The following ZCWPW2 variants were observed in gnomAD, a reference collection of about 807,000 sequenced individuals.
ZCWPW2 encodes the protein zinc finger CW-type PWWP domain protein 2.
In ZCWPW2, 45 loss-of-function variants were observed where a neutral mutation model predicts 46.6. The observed-to-expected ratio is 0.96, with a 90% CI of 0.76 to 1.24. The LOEUF (loss-of-function observed/expected upper bound fraction) is 1.24. ZCWPW2 is among the 50% of genes most tolerant of loss of function. ZCWPW2 has a pLI of 0.00. For synonymous variants in ZCWPW2, 152 were observed against 137.1 expected, an observed-to-expected ratio of 1.11 and a Z score of -0.76; for missense variants, 429 against 403.9, an observed-to-expected ratio of 1.06 and a Z score of -0.53.
intron 3 of ZCWPW2, among the ~76,000 whole-genome samples, chr3:28,414,321 T>C (rs1414292188): frequency 1.3e-5 from 2 of 151,946 alleles, no homozygotes; most frequent in African/African-American, 2.4e-5. Flanking sequence ...GTCATGTTTC[T>C]TCTCTTTTCA....
At chr3:28,358,918 T>G (rs1704838550) in intron 1 of ZCWPW2, among the ~76,000 whole-genome samples, 2 of 152,236 alleles carry the variant, frequency 1.3e-5, no homozygotes, top group Non-Finnish European at 2.9e-5. Context: ...TTTAATTTAT[T>G]TATTGTCTGA....
At chr3:28,357,046 G>A (rs913175704) in intron 1 of ZCWPW2, among the ~76,000 whole-genome samples, 2 of 151,214 alleles carry the variant, frequency 1.3e-5, no homozygotes, top group African/African-American at 4.9e-5. Flanking sequence ...TTTATTTTTT[G>A]CCAATAGTTT....
chr3:28,421,539 C>A (rs983512609), intron 3 of ZCWPW2, among the ~76,000 whole-genome samples: 1 of 152,024 alleles, frequency 6.6e-6, no homozygotes, highest in African/African-American at 2.4e-5. Flanking sequence ...GGTCCTTTGG[C>A]TAAAAAGAGC....
chr3:28,494,786 A>G (rs1168141230), intron 6 of ZCWPW2, among the ~76,000 whole-genome samples: 8 of 140,502 alleles, frequency 5.7e-5, no homozygotes, highest in African/African-American at 2.1e-4. Flanking sequence ...CACCAACAAC[A>G]GACAAACAGA....
intron 1 of ZCWPW2, among the ~76,000 whole-genome samples, chr3:28,364,967 A>G (rs935063620): frequency 6.6e-6 from 1 of 151,606 alleles, no homozygotes; most frequent in African/African-American, 2.4e-5. Flanking sequence ...GTCTGTTCAT[A>G]TCCTTTGCCC....
chr3:28,511,851 A>G (rs1368749636), intron 6 of ZCWPW2, among the ~76,000 whole-genome samples: 1 of 152,186 alleles, frequency 6.6e-6, no homozygotes, highest in Non-Finnish European at 1.5e-5. Context: ...CCTCCAAAGT[A>G]CATTCTGTAG....
At chr3:28,412,374 T>A (rs1357380530) in intron 2 of ZCWPW2, among the ~76,000 whole-genome samples, 1 of 152,050 alleles carries the variant, frequency 6.6e-6, no homozygotes, top group African/African-American at 2.4e-5. Context: ...GAGATTTATT[T>A]AATTTTTAAA....
Position 28,375,935 on chromosome 3 carries a change from G to C in ZCWPW2, c.-133-14563G>C, listed in dbSNP as rs137985913. Among the ~76,000 whole-genome samples the C allele has an allele frequency of 2.6e-3, 387 of 150,484 alleles. 1 individual carries two copies. Among genetic ancestry groups the C allele is most frequent in the African/African-American group, 8.6e-3 (351 of 40,932 alleles). On this transcript the variant is annotated intron_variant, in intron 1 of 9. Transcript: ENST00000383768. ...GACTTATTTCTCTTAATAACATAAT[G>C]TCCAGTTCCATCCATGTTGTTGCAA...
chr3:28,497,206 C>A (rs961067341), intron 6 of ZCWPW2, among the ~76,000 whole-genome samples: 18 of 150,404 alleles, frequency 1.2e-4, no homozygotes, highest in African/African-American at 4.1e-4. Context: ...ATCCCTATGC[C>A]TGTTTTCTTA....
chr3:28,447,973 G>A, intron 4 of ZCWPW2: 1 of 560,082 alleles, frequency 1.8e-6, no homozygotes, highest in Non-Finnish European at 3.3e-6. Flanking sequence ...TTCCATGTGT[G>A]CTAAATGTTT....
intron 6 of ZCWPW2, among the ~76,000 whole-genome samples, chr3:28,503,353 T>C (rs1453542126): frequency 6.6e-6 from 1 of 152,140 alleles, no homozygotes; most frequent in Non-Finnish European, 1.5e-5. Context: ...GCTGATTATA[T>C]TTATTGAAAA....
At chr3:28,514,144 A>G in intron 7 of ZCWPW2, 22 bp downstream of exon 7, 1 of 1,408,144 alleles carries the variant, frequency 7.1e-7, no homozygotes, top group Non-Finnish European at 9.7e-7. Flanking sequence ...GAAATTAAAT[A>G]GTATTATGAT....
chr3:28,362,247 G>A (rs1704968145), intron 1 of ZCWPW2, among the ~76,000 whole-genome samples: 1 of 152,060 alleles, frequency 6.6e-6, no homozygotes, highest in Non-Finnish European at 1.5e-5. Context: ...GTACAACAGT[G>A]TGAATATAGT....
chr3:28,495,153 G>A (rs1699944773), intron 6 of ZCWPW2, among the ~76,000 whole-genome samples: 1 of 151,832 alleles, frequency 6.6e-6, no homozygotes, highest in Non-Finnish European at 1.5e-5. Context: ...AAAGCTGGAG[G>A]CATCACACTA....
intron 4 of ZCWPW2, among the ~76,000 whole-genome samples, chr3:28,462,257 C>A (rs1698667908): frequency 6.6e-6 from 1 of 151,996 alleles, no homozygotes; most frequent in Non-Finnish European, 1.5e-5. Flanking sequence ...GTGGCAGTAC[C>A]CTGAAGAAGA....
intron 4 of ZCWPW2, among the ~76,000 whole-genome samples, chr3:28,471,967 C>T (rs556555196): frequency 5.3e-5 from 8 of 152,068 alleles, no homozygotes; most frequent in African/African-American, 1.9e-4. Flanking sequence ...AACAGTAATA[C>T]CATTTATATT....
intron 4 of ZCWPW2, among the ~76,000 whole-genome samples, chr3:28,442,123 G>C (rs1053075034): frequency 9.2e-5 from 14 of 152,188 alleles, no homozygotes; most frequent in African/African-American, 3.4e-4. Context: ...TCAAAACTGA[G>C]AGCCTTTTGG....
intron 5 of ZCWPW2, among the ~76,000 whole-genome samples, chr3:28,483,960 A>G (rs1405736046): frequency 2.0e-5 from 3 of 152,082 alleles, no homozygotes; most frequent in Admixed American, 2.0e-4. Context: ...AAATGTGTAT[A>G]TCTTTTATTT....
At chr3:28,497,598 C>A (rs1700026997) in intron 6 of ZCWPW2, among the ~76,000 whole-genome samples, 1 of 152,080 alleles carries the variant, frequency 6.6e-6, no homozygotes. Context: ...TGTTTCCCTG[C>A]TTCCCTTGAA....
Sources: allele counts gnomAD v4.1 joint callset (sites outside exome capture counted in the v4.1 genomes callset), GRCh38; gene constraint gnomAD v4.1.1; transcripts MANE v1.5; gene names NCBI Gene and HGNC (gene_info 2026-07-23, HGNC 2026-07-21).